CDC14A: variants seen among roughly 807,000 people sequenced by gnomAD.
CDC14A encodes dual specificity protein phosphatase CDC14A.
CDC14A carries 53 observed loss-of-function variants against 74.4 expected under a neutral mutation model. The observed-to-expected ratio is 0.71, with a 90% CI of 0.57 to 0.89. CDC14A has a LOEUF of 0.89. Among genes scored for constraint, CDC14A ranks in the 40% least tolerant of loss-of-function variants. CDC14A has a pLI of 0.00. For synonymous variants in CDC14A, 247 were observed against 258.4 expected, an observed-to-expected ratio of 0.96 and a Z score of 0.43; for missense variants, 646 against 713.7, an observed-to-expected ratio of 0.91 and a Z score of 1.08.
At chr1:100,355,849 G>A (rs1651800236) in intron 2 of CDC14A, among the ~76,000 whole-genome samples, 1 of 152,168 alleles carries the variant, frequency 6.6e-6, no homozygotes, top group Non-Finnish European at 1.5e-5. Context: ...GCAGTTTGAG[G>A]TATAGGAAAG....
At position 100,352,784 on chromosome 1, in the gene CDC14A, G is replaced by C; in HGVS notation, c.-171G>C. ...CCCTCGGAATGTCCCCGGGGCGCCC[G>C]GCGCGCTGACCCCGAAGCCGCCTCC... On this transcript the variant is annotated 5_prime_UTR_variant, in exon 1 of 16. Transcript: ENST00000336454. 2 of 1,424,254 alleles carry C rather than the reference G, an allele frequency of 1.4e-6. No individual in the cohort carries two copies. The highest frequency in any genetic ancestry group is 2.9e-5 in the African/African-American group (2 of 67,982). 88.2% of individuals were successfully genotyped at this position (1,424,254 alleles called of 1,614,324 possible). A position where few individuals can be genotyped will look rare whatever the true frequency, so the allele number is the denominator to read the frequency against.
chr1:100,441,650 G>GTT (rs35544438), intron 6 of CDC14A, among the ~76,000 whole-genome samples: 51 of 138,420 alleles, frequency 3.7e-4, no homozygotes, highest in Non-Finnish European at 4.8e-4. Flanking sequence ...GATGAACTCA[G>GTT]TTTTTTTTTT....
intron 9 of CDC14A, among the ~76,000 whole-genome samples, chr1:100,465,581 A>G (rs1045778849): frequency 1.3e-5 from 2 of 152,238 alleles, no homozygotes; most frequent in African/African-American, 4.8e-5. Context: ...AGGAGAAAGA[A>G]TCTTATCCTA....
In CDC14A at chr1:100,496,042, C is replaced by A; in HGVS notation, c.1291C>A (p.Pro431Thr). ...TKGHPRAVSQ[P>T]FRLSSSLQGS... ...AGGACATCCAAGAGCAGTGTCCCAG[C>A]CTTTCAGGTACTGCCAATGAGGTTG... The change falls in exon 13 of 16, where the codon CCT becomes ACT. Residue 431 changes from proline (P) to threonine (T), a missense_variant. Pro to Thr is a conservative substitution (Grantham distance 38, BLOSUM62 -1). Transcript: ENST00000336454. 6.2e-7 allele frequency: 1 copy of A among 1,613,280 alleles called. No individual in the cohort carries two copies. Among genetic ancestry groups the A allele is most frequent in the Non-Finnish European group, 8.5e-7 (1 of 1,179,248 alleles).
chr1:100,421,013 A>G (rs1318127743), intron 4 of CDC14A, among the ~76,000 whole-genome samples: 3 of 152,184 alleles, frequency 2.0e-5, no homozygotes, highest in Non-Finnish European at 4.4e-5. Flanking sequence ...GTTAAATGCT[A>G]TATTATTAAT....
chr1:100,411,742 C>G (rs1042450404), intron 4 of CDC14A, among the ~76,000 whole-genome samples: 5 of 152,178 alleles, frequency 3.3e-5, no homozygotes, highest in African/African-American at 1.2e-4. Flanking sequence ...GCCAGACACC[C>G]CTTCTGAGCT....
intron 5 of CDC14A, among the ~76,000 whole-genome samples, chr1:100,431,815 G>T (rs1663724556): frequency 6.6e-6 from 1 of 151,104 alleles, no homozygotes; most frequent in Non-Finnish European, 1.5e-5. Context: ...GTGCTGCTGT[G>T]ACAGAATGAG....
intron 1 of CDC14A, among the ~76,000 whole-genome samples, chr1:100,346,050 A>T (rs1468460481): frequency 6.6e-6 from 1 of 152,152 alleles, no homozygotes; most frequent in Non-Finnish European, 1.5e-5. Context: ...GGGCACCTGT[A>T]ATCCCAGCTA....
At chr1:100,413,763 C>T (rs953306292) in intron 4 of CDC14A, among the ~76,000 whole-genome samples, 35 of 152,146 alleles carry the variant, frequency 2.3e-4, no homozygotes, top group African/African-American at 7.0e-4. Context: ...TCATATTTGC[C>T]CTGCTTTCCA....
chr1:100,386,816 A>G (rs947528373), intron 3 of CDC14A, among the ~76,000 whole-genome samples: 1 of 152,220 alleles, frequency 6.6e-6, no homozygotes, highest in Admixed American at 6.5e-5. Flanking sequence ...TATTGTCTCC[A>G]AACTGTGACT....
chr1:100,472,223 A>G (rs1668462734), intron 10 of CDC14A, among the ~76,000 whole-genome samples: 1 of 152,188 alleles, frequency 6.6e-6, no homozygotes, highest in African/African-American at 2.4e-5. Flanking sequence ...ATTCACCCTC[A>G]TTAGCTATTT....
intron 10 of CDC14A, among the ~76,000 whole-genome samples, chr1:100,470,333 G>T (rs1430252070): frequency 6.6e-6 from 1 of 151,686 alleles, no homozygotes; most frequent in Non-Finnish European, 1.5e-5. Context: ...AAACTCTATA[G>T]CTAAAATTAT....
At chr1:100,453,614 T>C (rs149328329) in intron 7 of CDC14A, among the ~76,000 whole-genome samples, 8 of 152,248 alleles carry the variant, frequency 5.3e-5, no homozygotes, top group African/African-American at 1.9e-4. Context: ...CAGGGTTTCT[T>C]AGATTTTACT....
Position 100,429,700 on chromosome 1 carries a change from A to T in CDC14A, c.389+5399A>T, listed in dbSNP as rs1425178634. Among the ~76,000 whole-genome samples, 4 of 144,074 alleles carry T rather than the reference A, an allele frequency of 2.8e-5. No homozygotes were observed. In the Admixed American group the frequency reaches 2.8e-4, roughly 10 times the overall value. The allele number at this position is 144,074 out of a possible 152,430, so 94.5% of individuals were successfully genotyped here. ...GTACCATGGCAAAATATATATATAT[A>T]TATCAAGTATATTTATATATATATT... On this transcript the variant is annotated intron_variant, in intron 5 of 15. Coordinates refer to ENST00000336454, the MANE Select transcript of CDC14A (RefSeq NM_003672.4).
At chr1:100,397,552 T>G (rs1212542293) in intron 4 of CDC14A, among the ~76,000 whole-genome samples, 1 of 152,194 alleles carries the variant, frequency 6.6e-6, no homozygotes, top group East Asian at 1.9e-4. Flanking sequence ...TGTTTTCAGT[T>G]TTGCAGGCCT....
chr1:100,496,223 ATTTT>A (rs149672640), intron 13 of CDC14A, among the ~76,000 whole-genome samples, 174 bp downstream of exon 13: 10 of 144,540 alleles, frequency 6.9e-5, no homozygotes, highest in South Asian at 2.2e-4. Flanking sequence ...CATGAAAAGG[ATTTT>A]TTTTTTTTTT....
chr1:100,469,539 G>A (rs17122616), intron 10 of CDC14A, among the ~76,000 whole-genome samples: 8,653 of 152,098 alleles, frequency 0.057, 836 homozygotes, highest in African/African-American at 0.2. Flanking sequence ...CTGGAGCTTT[G>A]TGCCATGTAT....
chr1:100,503,450 C>A (rs1648957601), intron 15 of CDC14A, among the ~76,000 whole-genome samples: 2 of 152,176 alleles, frequency 1.3e-5, no homozygotes, highest in African/African-American at 2.4e-5. Flanking sequence ...TTAAAAGCTA[C>A]AATTAGCATC....
chr1:100,349,055 G>T (rs1443993884), upstream of CDC14A, among the ~76,000 whole-genome samples: 3 of 152,194 alleles, frequency 2.0e-5, no homozygotes, highest in African/African-American at 7.2e-5. Flanking sequence ...ATTAACCGGC[G>T]TGGTGGCGCA....
Sources: gnomAD v4.1 joint callset for allele counts (sites outside exome capture counted in the v4.1 genomes callset) on GRCh38, gnomAD v4.1.1 for gene constraint, MANE v1.5 for transcripts, NCBI Gene and HGNC (gene_info 2026-07-23, HGNC 2026-07-21) for gene names.